Variants in DSCAM observed in about 807,000 individuals in gnomAD.
DSCAM encodes cell adhesion molecule DSCAM.
Under a neutral mutation model 217.7 loss-of-function variants are expected in DSCAM, and 47 were observed. The observed-to-expected ratio is 0.22, with a 90% CI of 0.17 to 0.28. DSCAM has a LOEUF of 0.28. Ranked by LOEUF, DSCAM falls within the 10% of genes least tolerant of loss-of-function variation. The pLI, the probability that DSCAM is intolerant of heterozygous loss-of-function variation, is 1.00. For missense variants in DSCAM, 2,080 were observed against 2,618.3 expected, an observed-to-expected ratio of 0.79 and a Z score of 4.49; for synonymous variants, 1,056 against 1,015.3, an observed-to-expected ratio of 1.04 and a Z score of -0.76.
At chr21:40,670,939 T>C (rs1361533768) in intron 3 of DSCAM, among the ~76,000 whole-genome samples, 1 of 152,142 alleles carries the variant, frequency 6.6e-6, no homozygotes, top group Non-Finnish European at 1.5e-5. Context: ...GTCATATAAC[T>C]TGTACAAGAG....
At chr21:40,161,781 G>A (rs2090543966) in intron 16 of DSCAM, among the ~76,000 whole-genome samples, 1 of 152,094 alleles carries the variant, frequency 6.6e-6, no homozygotes, top group African/African-American at 2.4e-5. Flanking sequence ...TAGAACCAAT[G>A]GATTAGTTCC....
intron 3 of DSCAM, among the ~76,000 whole-genome samples, chr21:40,664,410 C>T (rs79859045): frequency 0.025 from 3,758 of 151,638 alleles, 139 homozygotes; most frequent in African/African-American, 0.079. Flanking sequence ...TGCCCTGTTT[C>T]CCCCCGGGAT....
intron 11 of DSCAM, among the ~76,000 whole-genome samples, chr21:40,256,842 G>A (rs746625501): frequency 3.3e-5 from 5 of 151,966 alleles, no homozygotes; most frequent in East Asian, 1.9e-4. Context: ...TTGTCAACTC[G>A]GCATCCATGC....
chr21:40,620,823 T>C (rs1326599099), intron 3 of DSCAM, among the ~76,000 whole-genome samples: 2 of 152,254 alleles, frequency 1.3e-5, no homozygotes, highest in African/African-American at 4.8e-5. Context: ...GTATTCATGA[T>C]GTCCCATCAC....
chr21:40,109,579 C>T (rs568685120), intron 20 of DSCAM, among the ~76,000 whole-genome samples: 14 of 152,272 alleles, frequency 9.2e-5, no homozygotes, highest in African/African-American at 2.2e-4. Context: ...CGCAGGACAG[C>T]GGGTGCAGCG....
chr21:40,533,665 TCATC>T (rs1238572799), intron 3 of DSCAM, among the ~76,000 whole-genome samples: 2 of 105,836 alleles, frequency 1.9e-5, no homozygotes, highest in African/African-American at 5.1e-5. Context: ...ATCCATCCAT[TCATC>T]CATCTGTCCA....
chr21:40,043,783 GTC>G (rs1198393669), intron 31 of DSCAM, among the ~76,000 whole-genome samples: 1 of 152,212 alleles, frequency 6.6e-6, no homozygotes, highest in Non-Finnish European at 1.5e-5. Flanking sequence ...ATTTAAAAAT[GTC>G]TCTATTTCTC....
chr21:40,731,731 C>CA (rs201725100), intron 1 of DSCAM, among the ~76,000 whole-genome samples: 1 of 115,708 alleles, frequency 8.6e-6, no homozygotes, highest in Non-Finnish European at 1.8e-5. Flanking sequence ...CCACTGCACC[C>CA]CCCCCCCCGC....
intron 1 of DSCAM, among the ~76,000 whole-genome samples, chr21:40,784,037 TTTA>T (rs1395672393): frequency 2.7e-5 from 4 of 149,742 alleles, no homozygotes; most frequent in African/African-American, 7.3e-5. Context: ...TAACTCATCT[TTTA>T]TTATTTTATT....
chr21:40,174,917 C>T (rs1164454950), intron 15 of DSCAM, among the ~76,000 whole-genome samples: 3 of 152,212 alleles, frequency 2.0e-5, no homozygotes, highest in Non-Finnish European at 4.4e-5. Flanking sequence ...GCTCCAGATG[C>T]AGCCATTTCA....
At chr21:40,762,071 G>T (rs759618884) in intron 1 of DSCAM, among the ~76,000 whole-genome samples, 2 of 151,946 alleles carry the variant, frequency 1.3e-5, no homozygotes, top group Non-Finnish European at 2.9e-5. Context: ...AAGAGCAAAC[G>T]AATTCAAAAC....
At chr21:40,706,802 A>G (rs1385729312) in intron 2 of DSCAM, among the ~76,000 whole-genome samples, 1 of 152,256 alleles carries the variant, frequency 6.6e-6, no homozygotes, top group African/African-American at 2.4e-5. Context: ...ATGTGTTCAC[A>G]ATAAAAAGCA....
In DSCAM at chr21:40,766,669, C is replaced by A. The variant is rs1408522713; in HGVS notation, c.44-57898G>T. On this transcript the variant is annotated intron_variant, in intron 1 of 32. Transcript: ENST00000400454. The stretch of plus-strand genomic sequence containing the variant: ...TTTTAAAAAGACAAAACAACAATTC[C>A]AAAAAAAAAAAAAAAAAAACAACTT... Among the ~76,000 whole-genome samples the A allele has an allele frequency of 1.0e-3, 68 of 66,594 alleles. 1 individual carries two copies. The highest frequency in any genetic ancestry group is 1.7e-3 in the South Asian group (2 of 1,158). 43.7% of individuals were successfully genotyped at this position (66,594 alleles called of 152,430 possible). A position where few individuals can be genotyped will look rare whatever the true frequency, so the allele number is the denominator to read the frequency against.
At chr21:40,714,001 T>C (rs2090812421) in intron 1 of DSCAM, among the ~76,000 whole-genome samples, 1 of 152,186 alleles carries the variant, frequency 6.6e-6, no homozygotes, top group South Asian at 2.1e-4. Context: ...AACTTACTGC[T>C]CTGGAAGGTA....
intron 30 of DSCAM, among the ~76,000 whole-genome samples, chr21:40,051,575 C>T (rs1053129865): frequency 9.2e-5 from 14 of 152,134 alleles, no homozygotes; most frequent in Admixed American, 6.5e-4. Context: ...ACCTGCTTCA[C>T]GAGTAGGTAT....
intron 20 of DSCAM, among the ~76,000 whole-genome samples, chr21:40,119,779 G>A (rs1007610571): frequency 3.3e-5 from 5 of 151,890 alleles, no homozygotes; most frequent in African/African-American, 4.8e-5. Flanking sequence ...AGGGAGGAAC[G>A]ACGTTTTAAT....
At chr21:40,163,070 A>AACACACACACACACACACACACAC (rs3069756) in intron 16 of DSCAM, among the ~76,000 whole-genome samples, 1 of 143,126 alleles carries the variant, frequency 7.0e-6, no homozygotes. Flanking sequence ...GACCATGGCA[A>AACACACACACACACACACACACAC]ACACACACAC....
chr21:40,316,492 C>T (rs991477529), intron 8 of DSCAM, among the ~76,000 whole-genome samples: 7 of 152,150 alleles, frequency 4.6e-5, no homozygotes, highest in African/African-American at 1.4e-4. Context: ...GATTAGAAAA[C>T]TCTTCTCATG....
chr21:40,640,284 T>C (rs557004498), intron 3 of DSCAM, among the ~76,000 whole-genome samples: 30 of 150,676 alleles, frequency 2.0e-4, no homozygotes, highest in South Asian at 1.7e-3. Flanking sequence ...ATCCCTGACT[T>C]TCTCCCCAGC....
Sources: gnomAD v4.1 joint callset for allele counts (sites outside exome capture counted in the v4.1 genomes callset) on GRCh38, gnomAD v4.1.1 for gene constraint, MANE v1.5 for transcripts, NCBI Gene and HGNC (gene_info 2026-07-23, HGNC 2026-07-21) for gene names.